The following PCP4 variants were observed in gnomAD, a reference collection of about 807,000 sequenced individuals.
The protein encoded by PCP4 is Purkinje cell protein 4, also known as calmodulin regulator protein PCP4.
In PCP4, 8 loss-of-function variants were observed where a neutral mutation model predicts 10.0. The observed-to-expected ratio is 0.80, with a 90% CI of 0.47 to 1.45. The LOEUF (loss-of-function observed/expected upper bound fraction) is 1.45. Ranked by LOEUF, PCP4 falls within the 40% of genes most tolerant of loss-of-function variation. PCP4 has a pLI of 0.00. For synonymous variants in PCP4, 21 were observed against 23.0 expected (o/e 0.91, Z 0.24); for missense variants, 54 against 74.4 (o/e 0.73, Z 1.01).
At chr21:39,912,312 G>A (rs1027680500) in intron 2 of PCP4, among the ~76,000 whole-genome samples, 7 of 121,778 alleles carry the variant, frequency 5.7e-5, no homozygotes, top group African/African-American at 2.5e-4. Flanking sequence ...CTTTTGAAAG[G>A]TTTTTTTTTT....
chr21:39,879,416 C>T (rs13048919), intron 1 of PCP4, among the ~76,000 whole-genome samples: 5,301 of 152,240 alleles, frequency 0.035, 308 homozygotes, highest in African/African-American at 0.12. Context: ...CATTTCATTT[C>T]TCAGGCACTA....
chr21:39,892,588 ATAG>A (rs997133914), intron 1 of PCP4, among the ~76,000 whole-genome samples: 18 of 152,050 alleles, frequency 1.2e-4, no homozygotes, highest in African/African-American at 4.3e-4. Context: ...TTGTGGGTAC[ATAG>A]TAGGTGTATA....
intron 1 of PCP4, chr21:39,883,509 G>T (rs148202424): frequency 6.6e-6 from 1 of 152,320 alleles, no homozygotes; most frequent in Non-Finnish European, 1.5e-5. Flanking sequence ...GTTGGAATCA[G>T]AGATCCAGGA....
At chr21:39,911,236 T>A (rs1222396074) in intron 2 of PCP4, among the ~76,000 whole-genome samples, 1 of 152,234 alleles carries the variant, frequency 6.6e-6, no homozygotes, top group East Asian at 1.9e-4. Flanking sequence ...CAAGTAGTTA[T>A]TTTTGTTGAA....
At chr21:39,873,437 A>G (rs2087330058) in intron 1 of PCP4, among the ~76,000 whole-genome samples, 1 of 152,190 alleles carries the variant, frequency 6.6e-6, no homozygotes, top group South Asian at 2.1e-4. Flanking sequence ...TTGATATTTG[A>G]ATATTTAAAT....
chr21:39,870,003 C>A (rs915391025), intron 1 of PCP4, among the ~76,000 whole-genome samples: 1 of 152,166 alleles, frequency 6.6e-6, no homozygotes, highest in Admixed American at 6.5e-5. Flanking sequence ...GCAGAGGCTC[C>A]GGAGCTCATT....
chr21:39,913,625 C>T (rs1301729743), intron 2 of PCP4, among the ~76,000 whole-genome samples: 1 of 152,132 alleles, frequency 6.6e-6, no homozygotes, highest in East Asian at 1.9e-4. Flanking sequence ...AACACAGGAC[C>T]CATGACTGAA....
intron 2 of PCP4, among the ~76,000 whole-genome samples, chr21:39,918,605 G>GTTTTTGATTTGGGGAATACAAAGAA (rs2087580280): frequency 6.6e-6 from 1 of 152,224 alleles, no homozygotes; most frequent in African/African-American, 2.4e-5. Context: ...AATGCGAATT[G>GTTTTTGATTTGGGGAATACAAAGAA]TGTTTTTGAT....
At chr21:39,912,326 T>TA (rs1174566425) in intron 2 of PCP4, among the ~76,000 whole-genome samples, 11 of 134,236 alleles carry the variant, frequency 8.2e-5, no homozygotes, top group African/African-American at 2.9e-4. Context: ...TTTTTTTTTT[T>TA]TAAAGTATTT....
intron 2 of PCP4, among the ~76,000 whole-genome samples, chr21:39,907,928 T>C (rs945320478): frequency 2.6e-5 from 4 of 152,182 alleles, no homozygotes; most frequent in Non-Finnish European, 4.4e-5. Flanking sequence ...AGGGTTCCAT[T>C]GTACCAAGTG....
intron 1 of PCP4, among the ~76,000 whole-genome samples, chr21:39,884,653 C>T (rs763579572): frequency 1.3e-5 from 2 of 151,950 alleles, no homozygotes; most frequent in African/African-American, 2.4e-5. Flanking sequence ...AAAAGTTAGC[C>T]AGGCGTGGTG....
chr21:39,879,297 T>G (rs181677369), intron 1 of PCP4, among the ~76,000 whole-genome samples: 1 of 152,238 alleles, frequency 6.6e-6, no homozygotes, highest in Non-Finnish European at 1.5e-5. Context: ...GCCAAGAAAG[T>G]TTCTTAAAAT....
intron 2 of PCP4, among the ~76,000 whole-genome samples, chr21:39,927,864 C>T (rs1464788450): frequency 6.6e-6 from 1 of 152,110 alleles, no homozygotes; most frequent in Admixed American, 6.5e-5. Flanking sequence ...ACGGATTTCT[C>T]AACATCCATC....
chr21:39,886,768 T>C (rs908264121), intron 1 of PCP4, among the ~76,000 whole-genome samples: 1 of 152,258 alleles, frequency 6.6e-6, no homozygotes, highest in Non-Finnish European at 1.5e-5. Flanking sequence ...TAAGTTGTAA[T>C]GTATATCTTT....
intron 1 of PCP4, among the ~76,000 whole-genome samples, chr21:39,872,218 C>G (rs575164876): frequency 2.6e-5 from 4 of 152,162 alleles, no homozygotes; most frequent in African/African-American, 9.7e-5. Flanking sequence ...TGACTGGTCT[C>G]GAACTCCTGA....
In PCP4 at chr21:39,929,081, C is replaced by T. The variant is rs761973180; in HGVS notation, c.159C>T (p.Phe53=). The part of the protein sequence containing the change: ...AVAIQSQFRK[F]QKKKAGSQS ...CCATTCAGTCTCAGTTCAGAAAATT[C>T]CAGAAGAAGAAGGCTGGGTCTCAGT... Residue 53 remains phenylalanine (F), a synonymous_variant, in exon 3 of 3, where the codon TTC becomes TTT. Coordinates refer to ENST00000328619, the MANE Select transcript of PCP4 (RefSeq NM_006198.3). 7.4e-6 allele frequency: 12 copies of T among 1,613,506 alleles called. No homozygotes were observed. Among genetic ancestry groups the T allele is most frequent in the Non-Finnish European group, 9.3e-6 (11 of 1,179,782 alleles).
intron 2 of PCP4, among the ~76,000 whole-genome samples, chr21:39,927,057 A>G (rs781707840): frequency 1.3e-5 from 2 of 152,224 alleles, no homozygotes; most frequent in Non-Finnish European, 2.9e-5. Flanking sequence ...TGGCTCCATC[A>G]GTCCTACAAG....
At chr21:39,927,339 G>GTCTGTCTATCTATCTATCTATCTA (rs2087628720) in intron 2 of PCP4, among the ~76,000 whole-genome samples, 6 of 98,870 alleles carry the variant, frequency 6.1e-5, no homozygotes, top group African/African-American at 2.2e-4. Flanking sequence ...CTATCTATCT[G>GTCTGTCTATCTATCTATCTATCTA]TCTATCTATC....
chr21:39,914,307 G>A (rs13047643), intron 2 of PCP4, among the ~76,000 whole-genome samples: 4,440 of 152,224 alleles, frequency 0.029, 92 homozygotes, highest in Non-Finnish European at 0.046. Flanking sequence ...TTGGCCAGGC[G>A]TGGTGGCTCA....
Sources: gnomAD v4.1 joint callset for allele counts (sites outside exome capture counted in the v4.1 genomes callset) on GRCh38, gnomAD v4.1.1 for gene constraint, MANE v1.5 for transcripts, NCBI Gene and HGNC (gene_info 2026-07-23, HGNC 2026-07-21) for gene names.